CELF5: variants seen among roughly 807,000 people sequenced by gnomAD.
The protein encoded by CELF5 is CUG-BP and ETR-3 like factor 5.
Under a neutral mutation model 54.9 loss-of-function variants are expected in CELF5, and 6 were observed. The observed-to-expected ratio is 0.11, with a 90% CI of 0.06 to 0.22. CELF5 has a LOEUF of 0.22. Ranked by LOEUF, CELF5 falls within the 10% of genes least tolerant of loss-of-function variation. The probability of loss-of-function intolerance (pLI) is 1.00; values close to 1 mark genes in which losing one functional copy is unlikely to be tolerated. For synonymous variants in CELF5, 271 were observed against 290.9 expected (o/e 0.93, Z 0.70); for missense variants, 401 against 678.6 (o/e 0.59, Z 4.54).
At chr19:3,267,085 G>T (rs911367879) in intron 2 of CELF5, among the ~76,000 whole-genome samples, 1 of 136,588 alleles carries the variant, frequency 7.3e-6, no homozygotes, top group African/African-American at 2.6e-5. Context: ...GTGTGCGTGT[G>T]TGCATGTGTG....
chr19:3,255,862 C>T (rs1489236982), intron 2 of CELF5, among the ~76,000 whole-genome samples: 6 of 152,084 alleles, frequency 3.9e-5, no homozygotes, highest in Admixed American at 3.3e-4. Context: ...GTCAGGAGTT[C>T]GAGACCAGCC....
rs540940467 is a variant in CELF5 at position 3,230,479 on chromosome 19, G to A, written c.259+5481G>A. On this transcript the variant is annotated intron_variant, in intron 1 of 12. Coordinates refer to ENST00000292672, the MANE Select transcript of CELF5 (RefSeq NM_021938.4). ...AGGGAACTGGATCTATGAAGGCCTG[G>A]AGGCATGAAGAATTTGCACAGCTAG... Among the ~76,000 whole-genome samples the A allele has an allele frequency of 3.3e-5, 5 of 152,330 alleles. 1 individual carries two copies. The East Asian group carries it at 9.6e-4, about 29-fold the overall frequency.
At chr19:3,258,503 A>T (rs1233504006) in intron 2 of CELF5, among the ~76,000 whole-genome samples, 1 of 152,110 alleles carries the variant, frequency 6.6e-6, no homozygotes, top group African/African-American at 2.4e-5. Flanking sequence ...GGATAATTTT[A>T]TCTCAAGATC....
intron 1 of CELF5, among the ~76,000 whole-genome samples, chr19:3,231,153 G>A (rs1195880910): frequency 6.6e-6 from 1 of 152,252 alleles, no homozygotes; most frequent in Non-Finnish European, 1.5e-5. Flanking sequence ...TTGGTCTGGA[G>A]TCATAGTCAA....
At position 3,285,952 on chromosome 19, in the gene CELF5, C is replaced by T; in HGVS notation, c.1113C>T (p.Pro371=). 1.3e-6 allele frequency: 2 copies of T among 1,588,288 alleles called. No individual in the cohort carries two copies. Among genetic ancestry groups the T allele is most frequent in the Non-Finnish European group, 1.7e-6 (2 of 1,173,072 alleles). The change falls in exon 10 of 13, where the codon CCC becomes CCT. Residue 371 remains proline, a synonymous_variant. Coordinates refer to ENST00000292672, the MANE Select transcript of CELF5 (RefSeq NM_021938.4). ...SGVQQYTAMY[P]TAAITPIAHS... ...CTCCGGTCTCCGCAGCCATGTACCC[C>T]ACCGCGGCCATCACGCCCATCGCGC...
At position 3,278,701 on chromosome 19, in the gene CELF5, T is replaced by TG. The variant is rs2080098757; in HGVS notation, c.603+591_603+592insG. ...GGTTTGTGTGTGTGTGTGTGTGTGT[T>TG]TGTGTGTGTGCATGACTGTGAGTGT... On this transcript the variant is annotated intron_variant, in intron 5 of 12. Transcript: ENST00000292672. The surrounding 1 kb of genome is among the most constrained non-coding windows in gnomAD (Gnocchi z 4.5). Among the ~76,000 whole-genome samples, 395 of 116,358 alleles carry TG rather than the reference T, an allele frequency of 3.4e-3. 6 individuals carry two copies. Among genetic ancestry groups the TG allele is most frequent in the Admixed American group, 0.031 (354 of 11,440 alleles). 76.3% of individuals were successfully genotyped at this position (116,358 alleles called of 152,430 possible).
intron 2 of CELF5, among the ~76,000 whole-genome samples, chr19:3,259,868 C>T (rs1397477517): frequency 6.6e-6 from 1 of 152,098 alleles, no homozygotes; most frequent in African/African-American, 2.4e-5. Context: ...GAGAACGATC[C>T]GGCCCCAATG....
At chr19:3,294,355 C>T (rs957935191) in intron 12 of CELF5, 4 of 151,830 alleles carry the variant, frequency 2.6e-5, no homozygotes, top group Non-Finnish European at 5.9e-5. Context: ...GGCATCTTTT[C>T]GCAGCCGAGC....
intron 2 of CELF5, among the ~76,000 whole-genome samples, chr19:3,252,272 C>T (rs911223945): frequency 8.0e-5 from 12 of 149,958 alleles, no homozygotes; most frequent in South Asian, 2.1e-4. Flanking sequence ...CTGGCTCAAG[C>T]GTTCCTCCTG....
intron 2 of CELF5, among the ~76,000 whole-genome samples, chr19:3,269,130 C>T (rs1302744064): frequency 6.6e-6 from 1 of 152,072 alleles, no homozygotes; most frequent in Non-Finnish European, 1.5e-5. Flanking sequence ...GGTCCACCTT[C>T]CTTCCTTCTC....
chr19:3,279,509 G>C (rs925146755), intron 5 of CELF5, among the ~76,000 whole-genome samples: 1 of 152,160 alleles, frequency 6.6e-6, no homozygotes, highest in Non-Finnish European at 1.5e-5. Flanking sequence ...GCTGGTAGGC[G>C]TCTGGAGGAG....
At chr19:3,274,998 C>T (rs981655221) in intron 3 of CELF5, among the ~76,000 whole-genome samples, 1 of 151,946 alleles carries the variant, frequency 6.6e-6, no homozygotes, top group Non-Finnish European at 1.5e-5. Flanking sequence ...CAGTCTCTTT[C>T]GCGCGCACTC....
chr19:3,226,476 A>ACACACACACACACACACACACACAC, intron 1 of CELF5, among the ~76,000 whole-genome samples: 1 of 150,976 alleles, frequency 6.6e-6, no homozygotes, highest in Non-Finnish European at 1.5e-5. Context: ...ACACACACAC[A>ACACACACACACACACACACACACAC]AAATTGGGCC....
At chr19:3,269,665 G>A (rs2079930311) in intron 2 of CELF5, among the ~76,000 whole-genome samples, 3 of 152,206 alleles carry the variant, frequency 2.0e-5, no homozygotes, top group Admixed American at 2.0e-4. Context: ...CGGCCAGCCA[G>A]TGCAAGCCCA....
intron 11 of CELF5, 113 bp from the exon 12 acceptor site, chr19:3,293,206 G>A: frequency 1.4e-6 from 2 of 1,385,704 alleles, no homozygotes; most frequent in South Asian, 2.6e-5. Flanking sequence ...CTGTGCAGGT[G>A]TGCACGCAGG....
At chr19:3,245,382 ATGCATCTGTGTGTGTG>A in intron 1 of CELF5, among the ~76,000 whole-genome samples, 1 of 116,798 alleles carries the variant, frequency 8.6e-6, no homozygotes, top group Non-Finnish European at 1.8e-5. Context: ...GTGTGTGTGT[ATGCATCTGTGTGTGTG>A]TGCGTGTGTG....
At chr19:3,273,800 C>A in intron 2 of CELF5, 72 bp from the exon 3 acceptor site, 3 of 1,130,804 alleles carry the variant, frequency 2.7e-6, no homozygotes, top group South Asian at 1.3e-5. Flanking sequence ...GCCTGCAGAG[C>A]TCAGGCAAAA....
chr19:3,290,387 C>G lies in CELF5; in HGVS notation c.1330+13C>G, dbSNP rs529492719. 1.1e-5 allele frequency: 18 copies of G among 1,611,740 alleles called. No individual in the cohort carries two copies. In the East Asian group the frequency reaches 3.1e-4, roughly 28 times the overall value. Reference sequence around the variant, plus strand: ...AGCAAGTGTTTCGGTGAGTGGCCGCCGACGCCACCCCTCCCCATCCACCTC... The same window carrying G: ...AGCAAGTGTTTCGGTGAGTGGCCGCGGACGCCACCCCTCCCCATCCACCTC... On this transcript the variant is annotated intron_variant, in intron 11 of 12. Transcript: ENST00000292672.
chr19:3,230,119 C>CAT (rs1273189668), intron 1 of CELF5, among the ~76,000 whole-genome samples: 1 of 152,152 alleles, frequency 6.6e-6, no homozygotes, highest in Non-Finnish European at 1.5e-5. Flanking sequence ...TTCATTCACA[C>CAT]AACACTTCTT....
Sources: allele counts gnomAD v4.1 joint callset (sites outside exome capture counted in the v4.1 genomes callset), GRCh38; gene constraint gnomAD v4.1.1; non-coding constraint Gnocchi (gnomAD v3.1); transcripts MANE v1.5; gene names NCBI Gene and HGNC (gene_info 2026-07-23, HGNC 2026-07-21).